The following RFFL variants were observed in gnomAD, a reference collection of about 807,000 sequenced individuals.
RFFL encodes the protein ring finger and FYVE like domain containing E3 ubiquitin protein ligase.
Under a neutral mutation model 40.4 loss-of-function variants are expected in RFFL, and 16 were observed. That is an observed-to-expected ratio of 0.40 (90% CI 0.27 to 0.60). RFFL has a LOEUF of 0.60. Ranked by LOEUF, RFFL falls within the 20% of genes least tolerant of loss-of-function variation. The pLI is 0.47. For synonymous variants in RFFL, 154 were observed against 167.9 expected (o/e 0.92, Z 0.64); for missense variants, 367 against 451.7 (o/e 0.81, Z 1.70).
chr17:35,044,896 G>A (rs112866648), intron 1 of RFFL, among the ~76,000 whole-genome samples: 1 of 147,072 alleles, frequency 6.8e-6, no homozygotes, highest in African/African-American at 2.6e-5. Flanking sequence ...TTTTGAGACA[G>A]GGTCTCACTC....
chr17:35,067,889 A>G (rs1244077709), upstream of RFFL, among the ~76,000 whole-genome samples: 1 of 152,226 alleles, frequency 6.6e-6, no homozygotes, highest in African/African-American at 2.4e-5. Flanking sequence ...CAGTAGTCAC[A>G]CTGAGCAGGT....
chr17:35,011,827 G>C lies in RFFL; in HGVS notation c.*141C>G. 1.3e-6 allele frequency: 1 copy of C among 766,682 alleles called. No individual in the cohort carries two copies. Among genetic ancestry groups the C allele is most frequent in the Non-Finnish European group, 2.1e-6 (1 of 466,332 alleles). 47.5% of individuals were successfully genotyped at this position (766,682 alleles called of 1,614,324 possible). A position where few individuals can be genotyped will look rare whatever the true frequency, so the allele number is the denominator to read the frequency against. On this transcript the variant is annotated 3_prime_UTR_variant, in exon 7 of 7. Coordinates refer to ENST00000394597, the MANE Select transcript of RFFL (RefSeq NM_001017368.2). ...CCTGGGAAGACAGGCATGCTCAGGG[G>C]TGACATGGCATCTTGCTTGACCTGG...
intron 1 of RFFL, among the ~76,000 whole-genome samples, chr17:35,071,098 T>A (rs2091346741): frequency 6.8e-6 from 1 of 147,560 alleles, no homozygotes; most frequent in African/African-American, 2.5e-5. Flanking sequence ...CTTGAGAGGG[T>A]GAGGCAGGAG....
At chr17:35,060,522 G>C (rs538228909) in intron 1 of RFFL, among the ~76,000 whole-genome samples, 1 of 152,002 alleles carries the variant, frequency 6.6e-6, no homozygotes, top group African/African-American at 2.4e-5. Context: ...GGTAAAATAG[G>C]GATAATAAAT....
intron 1 of RFFL, among the ~76,000 whole-genome samples, chr17:35,048,863 T>C (rs2091215745): frequency 6.6e-6 from 1 of 152,196 alleles, no homozygotes. Context: ...CTTGGTTTGA[T>C]GTTTGATCTC....
intron 1 of RFFL, among the ~76,000 whole-genome samples, chr17:35,041,502 T>C (rs1597826503): frequency 6.6e-6 from 1 of 152,212 alleles, no homozygotes; most frequent in East Asian, 1.9e-4. Context: ...TTAAAGACCC[T>C]GACCACTTCT....
At chr17:35,084,188 G>A (rs952597742) in intron 1 of RFFL, among the ~76,000 whole-genome samples, 1 of 152,184 alleles carries the variant, frequency 6.6e-6, no homozygotes, top group African/African-American at 2.4e-5. Flanking sequence ...GCGGTGAGCC[G>A]AGATCATGCC....
At position 35,089,081 on chromosome 17, in the gene RFFL, G is replaced by GCGC. The variant is rs879425293; in HGVS notation, c.-9+21_-9+23dup. The GCGC allele has an allele frequency of 3.5e-3, 531 of 153,474 alleles. 2 individuals carry two copies. The highest frequency in any genetic ancestry group is 6.3e-3 in the Admixed American group (97 of 15,308). 9.5% of individuals were successfully genotyped at this position (153,474 alleles called of 1,614,324 possible). ...CAGGCCGGGCGCCCAGCGGCCCCCA[G>GCGC]CGCCGCCGCCGCCGCCTCCTCACCT... On this transcript the variant is annotated intron_variant, in intron 1 of 6. Transcript: ENST00000315249.
chr17:35,077,261 C>T (rs2091381889), intron 1 of RFFL, among the ~76,000 whole-genome samples: 2 of 151,914 alleles, frequency 1.3e-5, no homozygotes, highest in Admixed American at 1.3e-4. Context: ...TTATAGGTGG[C>T]ATGAGGAAGA....
At chr17:35,058,304 G>A (rs1376230346) in intron 1 of RFFL, among the ~76,000 whole-genome samples, 1 of 152,028 alleles carries the variant, frequency 6.6e-6, no homozygotes, top group Non-Finnish European at 1.5e-5. Flanking sequence ...AACACCCCCA[G>A]GAGACACTGA....
At chr17:35,043,242 G>A (rs2091177932) in intron 1 of RFFL, among the ~76,000 whole-genome samples, 1 of 152,132 alleles carries the variant, frequency 6.6e-6, no homozygotes, top group African/African-American at 2.4e-5. Flanking sequence ...CTCTAACACT[G>A]AATAAATGAA....
At position 35,008,374 on chromosome 17, in the gene RFFL, C is replaced by T. The variant is rs891519216; in HGVS notation, c.*3594G>A. 6.6e-6 allele frequency: 1 copy of T among 152,170 alleles called. No homozygotes were observed. The highest frequency in any genetic ancestry group is 2.4e-5 in the African/African-American group (1 of 41,426). The allele number at this position is 152,170 out of a possible 1,614,324, so 9.4% of individuals were successfully genotyped here. A position where few individuals can be genotyped will look rare whatever the true frequency, so the allele number is the denominator to read the frequency against. ...TCTTGACCAAGGTCACTTGGCCCAA[C>T]CACAGGCTAATCCCAGGCCATGTGC... On this transcript the variant is annotated 3_prime_UTR_variant, in exon 7 of 7. Coordinates refer to ENST00000394597, the MANE Select transcript of RFFL (RefSeq NM_001017368.2).
At chr17:35,086,747 T>C (rs2091432267) in intron 1 of RFFL, among the ~76,000 whole-genome samples, 1 of 152,216 alleles carries the variant, frequency 6.6e-6, no homozygotes, top group African/African-American at 2.4e-5. Context: ...AGAGGTTAAA[T>C]CTTTCCTCCA....
intron 1 of RFFL, among the ~76,000 whole-genome samples, chr17:35,069,877 A>C (rs2091338166): frequency 6.6e-6 from 1 of 152,146 alleles, no homozygotes; most frequent in Non-Finnish European, 1.5e-5. Context: ...GGTTGGAGAA[A>C]GGAACCCAAA....
At chr17:35,018,194 C>G (rs748230651) in intron 3 of RFFL, among the ~76,000 whole-genome samples, 3 of 152,160 alleles carry the variant, frequency 2.0e-5, no homozygotes, top group Non-Finnish European at 4.4e-5. Context: ...TGCCTAGTAA[C>G]TACTCTCACA....
chr17:35,014,753 G>C lies in RFFL; in HGVS notation c.897C>G (p.Ala299=). 1.2e-6 allele frequency: 2 copies of C among 1,613,674 alleles called. No individual in the cohort carries two copies. The highest frequency in any genetic ancestry group is 1.7e-6 in the Non-Finnish European group (2 of 1,179,670). ...QKGLQHLVSG[A]EDQNGGAVPS... The stretch of plus-strand genomic sequence containing the variant: ...ACAACTACATACCGTTTTGGTCTTC[G>C]GCACCACTGACTGAAAAGGAAAGAG... Residue 299 remains alanine, a synonymous_variant, in exon 6 of 7, where the codon GCC becomes GCG. Transcript: ENST00000394597.
chr17:35,050,887 G>A (rs1401451089), intron 1 of RFFL, among the ~76,000 whole-genome samples: 2 of 152,244 alleles, frequency 1.3e-5, no homozygotes, highest in African/African-American at 4.8e-5. Context: ...CAGGAGAATC[G>A]CTTGAACCTG....
chr17:35,012,742 C>T (rs1016981919), intron 6 of RFFL, among the ~76,000 whole-genome samples: 3 of 152,370 alleles, frequency 2.0e-5, no homozygotes, highest in Middle Eastern at 3.4e-3. Flanking sequence ...GCAGAGATTA[C>T]TGCTCCCTCT....
rs758123580 is a variant in RFFL, at chr17:35,012,161, C to T, written c.911-12G>A. The T allele has an allele frequency of 8.7e-6, 14 of 1,610,220 alleles. No individual in the cohort carries two copies. Among genetic ancestry groups the T allele is most frequent in the South Asian group, 7.7e-5 (7 of 90,666 alleles). ...TGGTACTGCTCCCCCTGTACAAACA[C>T]ACAGGGCAGAAAAAAAGGGGCAGAG... On this transcript the variant is annotated splice_polypyrimidine_tract_variant and intron_variant, in intron 6 of 6. Coordinates refer to ENST00000394597, the MANE Select transcript of RFFL (RefSeq NM_001017368.2).
Sources: allele counts gnomAD v4.1 joint callset (sites outside exome capture counted in the v4.1 genomes callset), GRCh38; gene constraint gnomAD v4.1.1; transcripts MANE v1.5; gene names NCBI Gene and HGNC (gene_info 2026-07-23, HGNC 2026-07-21).